The following DUS3L variants were observed in gnomAD, a reference collection of about 807,000 sequenced individuals.
DUS3L encodes tRNA-dihydrouridine(47) synthase [NAD(P)(+)]-like.
A neutral mutation model predicts 74.6 loss-of-function variants in DUS3L; 62 were observed. The observed-to-expected ratio is 0.83, with a 90% confidence interval of 0.68 to 1.03. The LOEUF (loss-of-function observed/expected upper bound fraction) is 1.03. DUS3L is among the 50% of genes least tolerant of loss of function. The pLI is 0.00. For missense variants in DUS3L, 884 were observed against 924.4 expected, an observed-to-expected ratio of 0.96 and a Z score of 0.57; for synonymous variants, 433 against 395.7, an observed-to-expected ratio of 1.09 and a Z score of -1.12.
chr19:5,788,560 G>A (rs1002624895), intron 3 of DUS3L, among the ~76,000 whole-genome samples, 162 bp from the exon 4 acceptor site: 3 of 152,156 alleles, frequency 2.0e-5, no homozygotes, highest in Non-Finnish European at 2.9e-5. Context: ...CATCAGGAAT[G>A]TTCCTTTCCT....
At chr19:5,786,683 A>G in intron 9 of DUS3L, 66 bp downstream of exon 9, 2 of 1,582,054 alleles carry the variant, frequency 1.3e-6, no homozygotes, top group Non-Finnish European at 8.6e-7. Context: ...GGGAAGGCGA[A>G]CAGCCCAGAG....
intron 10 of DUS3L, 118 bp from the exon 11 acceptor site, chr19:5,785,909 A>G (rs1407595469): frequency 8.7e-7 from 1 of 1,144,224 alleles, no homozygotes; most frequent in Non-Finnish European, 1.2e-6. Context: ...CAAGCCTAGT[A>G]AGCCTCCCAG....
chr19:5,788,991 G>A lies in DUS3L; in HGVS notation c.900+216C>T, dbSNP rs1383748366. ...CAAAGTGCTGGGATTACAGGCGTGA[G>A]CCACCGCCCCCGGCCCTGTCCAGCT... On this transcript the variant is annotated intron_variant, in intron 3 of 12. Coordinates refer to ENST00000309061, the MANE Select transcript of DUS3L (RefSeq NM_020175.3). 1.4e-5 allele frequency: 8 copies of A among 587,780 alleles called. No individual in the cohort carries two copies. In the East Asian group the frequency reaches 2.7e-4, roughly 20 times the overall value. 36.4% of individuals were successfully genotyped at this position (587,780 alleles called of 1,614,324 possible).
chr19:5,789,809 G>A (rs2056892092), intron 2 of DUS3L, 90 bp from the exon 3 acceptor site: 1 of 1,498,722 alleles, frequency 6.7e-7, no homozygotes, highest in Non-Finnish European at 9.0e-7. Flanking sequence ...CACCCCTCCT[G>A]GCTCTTGTGT....
In DUS3L at chr19:5,789,723, C is replaced by G. The variant is rs371633020; in HGVS notation, c.388-4G>C. 6.3e-7 allele frequency: 1 copy of G among 1,596,102 alleles called. No individual in the cohort carries two copies. Among genetic ancestry groups the G allele is most frequent in the Non-Finnish European group, 8.5e-7 (1 of 1,172,528 alleles). The stretch of plus-strand genomic sequence containing the variant: ...AGAAACACTTAGCAGCCGACTCCTG[C>G]GAGGAAACAGGGAAGCAGTGAGGGA... On this transcript the variant is annotated splice_region_variant and splice_polypyrimidine_tract_variant and intron_variant, in intron 2 of 12. Coordinates refer to ENST00000309061, the MANE Select transcript of DUS3L (RefSeq NM_020175.3).
At chr19:5,786,362 T>TG in intron 10 of DUS3L, 105 bp downstream of exon 10, 1 of 1,135,254 alleles carries the variant, frequency 8.8e-7, no homozygotes, top group Non-Finnish European at 1.3e-6. Context: ...CCTCCCATCT[T>TG]GGGACCAACA....
intron 10 of DUS3L, 69 bp from the exon 11 acceptor site, chr19:5,785,860 A>G (rs2056836784): frequency 6.8e-7 from 1 of 1,470,778 alleles, no homozygotes; most frequent in Non-Finnish European, 9.0e-7. Context: ...CTCTGCTTCC[A>G]TGGCCTGGCC....
intron 5 of DUS3L, 69 bp downstream of exon 5, chr19:5,787,955 T>C (rs954123349): frequency 6.3e-7 from 1 of 1,587,050 alleles, no homozygotes; most frequent in Non-Finnish European, 8.5e-7. Context: ...AGGGCAGACC[T>C]GGAACCTGGC....
chr19:5,789,171 G>A, intron 3 of DUS3L, 36 bp downstream of exon 3: 2 of 1,506,260 alleles, frequency 1.3e-6, no homozygotes, highest in Non-Finnish European at 1.8e-6. Context: ...ACACCAGATG[G>A]ACAGATCTGC....
In DUS3L at chr19:5,785,185, C is replaced by T. The variant is rs2056828312; in HGVS notation, c.*18G>A. 2.5e-6 allele frequency: 4 copies of T among 1,595,508 alleles called. No individual in the cohort carries two copies. The highest frequency in any genetic ancestry group is 3.4e-6 in the Non-Finnish European group (4 of 1,171,562). ...TTGTACTCTCCTCGCCCCAGGGTGCCCCTGGGAAAGCCTGAGGCTACTTGT... is the reference window on the plus strand; with the variant it reads ...TTGTACTCTCCTCGCCCCAGGGTGCTCCTGGGAAAGCCTGAGGCTACTTGT... On this transcript the variant is annotated 3_prime_UTR_variant, in exon 13 of 13. Coordinates refer to ENST00000309061, the MANE Select transcript of DUS3L (RefSeq NM_020175.3).
rs7252822 is a variant in DUS3L at position 5,790,881 on chromosome 19, G to A, written c.98+163C>T. On this transcript the variant is annotated intron_variant, in intron 1 of 12. Transcript: ENST00000309061. ...ACAGGCCCCAACGTGCACGATCTCA[G>A]GTACCTCCGCTGACCACCCTGCAGG... is the stretch of plus-strand genomic sequence containing the variant. 2.4e-3 allele frequency: 1,605 copies of A among 677,860 alleles called. 21 individuals carry two copies. In the African/African-American group the frequency reaches 0.026, roughly 11 times the overall value. The allele number at this position is 677,860 out of a possible 1,614,324, so 42.0% of individuals were successfully genotyped here. A position where few individuals can be genotyped will look rare whatever the true frequency, so the allele number is the denominator to read the frequency against.
chr19:5,785,745 G>C lies in DUS3L; in HGVS notation c.1609C>G (p.Arg537Gly). ...PWLFTEIKEQ[R>G]HWDISSSERL... Reference sequence around the variant, plus strand: ...TCGGACGACGAGATGTCCCAGTGCCGCTGCTCCTTGATCTCCGTGAAGAGC... The same window carrying C: ...TCGGACGACGAGATGTCCCAGTGCCCCTGCTCCTTGATCTCCGTGAAGAGC... Residue 537 changes from arginine to glycine, a missense_variant, in exon 11 of 13, where the codon CGG (arginine) becomes GGG (glycine). Transcript: ENST00000309061. 6.2e-7 allele frequency: 1 copy of C among 1,610,174 alleles called. No individual in the cohort carries two copies. The highest frequency in any genetic ancestry group is 8.5e-7 in the Non-Finnish European group (1 of 1,179,152).
intron 2 of DUS3L, 149 bp from the exon 3 acceptor site, chr19:5,789,868 C>T: frequency 1.6e-6 from 2 of 1,290,130 alleles, no homozygotes; most frequent in South Asian, 1.4e-5. Context: ...TCCATTTATA[C>T]AATGAGAACA....
intron 7 of DUS3L, 52 bp from the exon 8 acceptor site, chr19:5,787,223 CGGTGGGAGGTG>C (rs2056860402): frequency 2.3e-5 from 6 of 259,076 alleles, no homozygotes; most frequent in East Asian, 1.0e-4. Context: ...TGGTGGGAGA[CGGTGGGAGGTG>C]GTGGGAGACA....
chr19:5,787,825 G>A (rs1476386639), intron 5 of DUS3L, 120 bp from the exon 6 acceptor site: 46 of 1,448,940 alleles, frequency 3.2e-5, no homozygotes, highest in Middle Eastern at 2.2e-4. Flanking sequence ...GGGCCTCCCC[G>A]GAAGGAGCCA....
Position 5,785,438 on chromosome 19 carries a change from C to T in DUS3L, c.1825G>A (p.Asp609Asn), listed in dbSNP as rs12977803. 0.015 allele frequency: 23,813 copies of T among 1,590,518 alleles called. 212 individuals are homozygous for T. Among genetic ancestry groups the T allele is most frequent in the Non-Finnish European group, 0.018 (20,856 of 1,167,990 alleles). Reference sequence around the variant, plus strand: ...CTGGCCATCAGCGTCTCCAGGTAGTCGCGGCCCAGGTAGTAGGGCGGCCGC... The same window carrying T: ...CTGGCCATCAGCGTCTCCAGGTAGTTGCGGCCCAGGTAGTAGGGCGGCCGC... The part of the protein sequence containing the change: ...NERPPYYLGR[D>N]YLETLMASQK... Residue 609 changes from aspartate to asparagine, a missense_variant, in exon 12 of 13, where the codon GAC (aspartate) becomes AAC (asparagine). By Grantham distance (23) the Asp-to-Asn change is conservative. Coordinates refer to ENST00000309061, the MANE Select transcript of DUS3L (RefSeq NM_020175.3).
At chr19:5,788,485 G>C in intron 3 of DUS3L, 87 bp from the exon 4 acceptor site, 1 of 1,489,216 alleles carries the variant, frequency 6.7e-7, no homozygotes, top group Non-Finnish European at 9.1e-7. Flanking sequence ...CCACAGTCTA[G>C]GACACACTTG....
Position 5,791,088 on chromosome 19 carries a change from C to T in DUS3L, c.54G>A (p.Ser18=), listed in dbSNP as rs1568389857. The change falls in exon 1 of 13, where the codon TCG becomes TCA. Residue 18 remains serine (S), a synonymous_variant. Transcript: ENST00000309061. ...CTCCTCGTTCCAAAGCTCCGGCTCC[C>T]GAGTCGCCACCACCACCATTCTCTA... ...APLENGGGGD[S]GAGALERGVA... 6.2e-7 allele frequency: 1 copy of T among 1,608,998 alleles called. No individual in the cohort carries two copies. The highest frequency in any genetic ancestry group is 2.2e-5 in the East Asian group (1 of 44,726).
Position 5,787,063 on chromosome 19 carries a change from T to G in DUS3L, c.1387A>C (p.Thr463Pro), listed in dbSNP as rs771247478. The change falls in exon 8 of 13, where the codon ACG becomes CCG. Residue 463 changes from threonine (T) to proline (P), a missense_variant and splice_region_variant. Transcript: ENST00000309061. ...ELRDWGVALVTLHGRSREQRY... is the reference protein window; with the variant it reads ...ELRDWGVALVPLHGRSREQRY... ...GCCCGAGGCGTCCCAAGACCCACCGTGACGAGTGCCACGCCCCAGTCCCGC... is the reference window on the plus strand; with the variant it reads ...GCCCGAGGCGTCCCAAGACCCACCGGGACGAGTGCCACGCCCCAGTCCCGC... 6 of 1,546,388 alleles carry G rather than the reference T, an allele frequency of 3.9e-6. No individual in the cohort carries two copies. The highest frequency in any genetic ancestry group is 3.5e-5 in the South Asian group (3 of 84,610).
Sources: allele counts gnomAD v4.1 joint callset (sites outside exome capture counted in the v4.1 genomes callset), GRCh38; gene constraint gnomAD v4.1.1; transcripts MANE v1.5; gene names NCBI Gene and HGNC (gene_info 2026-07-23, HGNC 2026-07-21).